DHCR24: variants seen among roughly 807,000 people sequenced by gnomAD.
DHCR24 encodes the protein delta(24)-sterol reductase.
In DHCR24, 28 loss-of-function variants were observed where a neutral mutation model predicts 61.2. That is an observed-to-expected ratio of 0.46 (90% CI 0.34 to 0.63). The LOEUF is 0.63. Among genes scored for constraint, DHCR24 ranks in the 20% least tolerant of loss-of-function variants. The pLI is 0.01. For synonymous variants in DHCR24, 261 were observed against 275.9 expected (o/e 0.95, Z 0.54); for missense variants, 538 against 679.1 (o/e 0.79, Z 2.31).
intron 5 of DHCR24, among the ~76,000 whole-genome samples, chr1:54,866,146 T>C (rs1437630231): frequency 6.6e-6 from 1 of 152,100 alleles, no homozygotes; most frequent in Non-Finnish European, 1.5e-5. Context: ...ATAAATGAAT[T>C]CTGGCAGATG....
intron 2 of DHCR24, 85 bp from the exon 3 acceptor site, chr1:54,876,132 A>C: frequency 4.8e-5 from 46 of 958,802 alleles, no homozygotes; most frequent in Non-Finnish European, 7.6e-5. Flanking sequence ...GTGTCATCTC[A>C]AACCTTCCCA....
intron 4 of DHCR24, among the ~76,000 whole-genome samples, chr1:54,872,800 G>A (rs187707824): frequency 7.5e-4 from 114 of 152,286 alleles, no homozygotes; most frequent in African/African-American, 2.6e-3. Flanking sequence ...ACAGGGCCCC[G>A]CAAGCGTTCA....
Position 54,883,495 on chromosome 1 carries a change from G to C in DHCR24, c.387+123C>G. The stretch of plus-strand genomic sequence containing the variant: ...AGCAATGGCAGGGAGTATCTTCTAT[G>C]ACTGTGGGCATTGGTCCTGTCCACT... On this transcript the variant is annotated intron_variant, in intron 2 of 8. Coordinates refer to ENST00000371269, the MANE Select transcript of DHCR24 (RefSeq NM_014762.4). This position sits in a 1 kb window ranked among gnomAD's most constrained non-coding sequence, Gnocchi z 4.3. The C allele has an allele frequency of 2.5e-6, 3 of 1,200,756 alleles. No homozygotes were observed. The highest frequency in any genetic ancestry group is 3.7e-6 in the Non-Finnish European group (3 of 809,740). The allele number at this position is 1,200,756 out of a possible 1,614,324, so 74.4% of individuals were successfully genotyped here.
chr1:54,859,668 T>C (rs1463313964), intron 6 of DHCR24, among the ~76,000 whole-genome samples: 1 of 152,206 alleles, frequency 6.6e-6, no homozygotes, highest in East Asian at 1.9e-4. Context: ...TTTTGCCATG[T>C]TGACCAAGCT....
chr1:54,854,327 G>T, intron 6 of DHCR24, 93 bp from the exon 7 acceptor site: 1 of 1,148,194 alleles, frequency 8.7e-7, no homozygotes, highest in Non-Finnish European at 1.3e-6. Context: ...CCCATTCTGT[G>T]CTTGACAGAA....
In DHCR24 at chr1:54,883,564, C is replaced by T; in HGVS notation, c.387+54G>A. On this transcript the variant is annotated intron_variant, in intron 2 of 8. Transcript: ENST00000371269. This position sits in a 1 kb window ranked among gnomAD's most constrained non-coding sequence, Gnocchi z 4.3. Reference sequence around the variant, plus strand: ...AAATCATCTCCCTATGAGTCACTTGCACCAGGGGCAGTGCCCCACCTGCTC... The same window carrying T: ...AAATCATCTCCCTATGAGTCACTTGTACCAGGGGCAGTGCCCCACCTGCTC... 11 of 1,610,102 alleles carry T rather than the reference C, an allele frequency of 6.8e-6. No homozygotes were observed. The highest frequency in any genetic ancestry group is 9.3e-6 in the Non-Finnish European group (11 of 1,176,678).
intron 6 of DHCR24, among the ~76,000 whole-genome samples, chr1:54,856,000 C>T (rs976292662): frequency 3.3e-5 from 5 of 151,914 alleles, no homozygotes; most frequent in African/African-American, 7.3e-5. Flanking sequence ...CTTTGGGGGA[C>T]ATCTGATACG....
intron 2 of DHCR24, among the ~76,000 whole-genome samples, chr1:54,876,749 T>C (rs1339528016): frequency 6.6e-6 from 1 of 151,792 alleles, no homozygotes; most frequent in Non-Finnish European, 1.5e-5. Flanking sequence ...TCCCCACACA[T>C]ACTGTATTGG....
intron 6 of DHCR24, among the ~76,000 whole-genome samples, chr1:54,859,927 G>A (rs1342995630): frequency 6.6e-6 from 1 of 152,194 alleles, no homozygotes. Flanking sequence ...GCTCTTGGCA[G>A]GGATCAAGAA....
rs865995651 is a variant in DHCR24, at chr1:54,856,255, C to G, written c.1021-2021G>C. ...GGCAGAGGAGCAGTTACTAGAGAGGCCTTATGGTCCGAAAAACCTAGACTG... is the reference window on the plus strand; with the variant it reads ...GGCAGAGGAGCAGTTACTAGAGAGGGCTTATGGTCCGAAAAACCTAGACTG... On this transcript the variant is annotated intron_variant, in intron 6 of 8. Transcript: ENST00000371269. Among the ~76,000 whole-genome samples the G allele has an allele frequency of 9.2e-5, 14 of 152,266 alleles. No homozygotes were observed. In the Middle Eastern group the frequency reaches 0.01, roughly 111 times the overall value.
At chr1:54,878,600 A>G (rs1647047959) in intron 2 of DHCR24, among the ~76,000 whole-genome samples, 1 of 151,296 alleles carries the variant, frequency 6.6e-6, no homozygotes, top group African/African-American at 2.4e-5. Context: ...GTCTGTTCCC[A>G]CAAGCCAGAC....
intron 8 of DHCR24, among the ~76,000 whole-genome samples, chr1:54,852,992 T>G (rs568223523): frequency 3.9e-5 from 6 of 152,298 alleles, no homozygotes; most frequent in Non-Finnish European, 7.4e-5. Context: ...CACTCAATAG[T>G]TTATCCAGGC....
intron 2 of DHCR24, among the ~76,000 whole-genome samples, chr1:54,876,625 G>A (rs1284944167): frequency 2.0e-5 from 3 of 151,798 alleles, no homozygotes; most frequent in African/African-American, 7.3e-5. Context: ...CTGCACTCCA[G>A]CCTAGGCAAC....
In DHCR24 at chr1:54,883,766, T is replaced by A. The variant is rs1420162831; in HGVS notation, c.239A>T (p.Glu80Val). Residue 80 changes from glutamate to valine, a missense_variant, in exon 2 of 9, where the codon GAA (glutamate) becomes GTA (valine). Glu to Val is a moderately radical substitution (Grantham distance 121). Transcript: ENST00000371269. This position sits in a 1 kb window ranked among gnomAD's most constrained non-coding sequence, Gnocchi z 4.3. ...RVRDIQKQVR[E>V]WKEQGSKTFM... Reference sequence around the variant, plus strand: ...GGTCTTGCTACCCTGCTCCTTCCATTCCCGCACCTGCAACCACAGGACAGA... The same window carrying A: ...GGTCTTGCTACCCTGCTCCTTCCATACCCGCACCTGCAACCACAGGACAGA... 4 of 1,614,176 alleles carry A rather than the reference T, an allele frequency of 2.5e-6. No homozygotes were observed. The East Asian group carries it at 6.7e-5, about 27-fold the overall frequency.
intron 8 of DHCR24, 70 bp downstream of exon 8, chr1:54,853,364 C>G: frequency 6.3e-7 from 1 of 1,594,034 alleles, no homozygotes; most frequent in African/African-American, 1.3e-5. Context: ...ATAGAGCTGG[C>G]CTCATTCCCC....
intron 6 of DHCR24, among the ~76,000 whole-genome samples, chr1:54,854,769 C>G (rs552979692): frequency 1.3e-5 from 2 of 152,292 alleles, no homozygotes; most frequent in African/African-American, 4.8e-5. Context: ...AAGGAGCCCA[C>G]TGGTTTGCAG....
In DHCR24 at chr1:54,887,054, C is replaced by G. The variant is rs956261005; in HGVS notation, c.66G>C (p.Gly22=). ...GCTGGTGGATGAGCACGAACTCCAG[C>G]CCCTTCAGGCGCACCCACAGCAGGA... ...LLFLLWVRLK[G]LEFVLIHQRW... The change falls in exon 1 of 9, where the codon GGG becomes GGC. Residue 22 remains glycine (G), a synonymous_variant. Transcript: ENST00000371269. 1 of 1,611,916 alleles carries G rather than the reference C, an allele frequency of 6.2e-7. No individual in the cohort carries two copies. The highest frequency in any genetic ancestry group is 8.5e-7 in the Non-Finnish European group (1 of 1,179,190).
Position 54,871,542 on chromosome 1 carries a change from C to T in DHCR24, c.684G>A (p.Glu228=). Residue 228 remains glutamate (E), a synonymous_variant, in exon 5 of 9, where the codon GAG becomes GAA. Coordinates refer to ENST00000371269, the MANE Select transcript of DHCR24 (RefSeq NM_014762.4). ...CGTLGFLVAA[E]IRIIPAKKYV... The stretch of plus-strand genomic sequence containing the variant: ...ACTTCTTGGCAGGGATGATGCGGAT[C>T]TCAGCGGCCACCAGGAAACCCAGCG... The T allele has an allele frequency of 6.2e-7, 1 of 1,614,194 alleles. No individual in the cohort carries two copies. Among genetic ancestry groups the T allele is most frequent in the Non-Finnish European group, 8.5e-7 (1 of 1,180,044 alleles).
Position 54,884,082 on chromosome 1 carries a change from A to T in DHCR24, c.232-309T>A, listed in dbSNP as rs74072044. ...AGGTTTTGTAATGGTGATAATAGCA[A>T]GTATAAAAATGAGGACCATTTACTG... On this transcript the variant is annotated intron_variant, in intron 1 of 8. Coordinates refer to ENST00000371269, the MANE Select transcript of DHCR24 (RefSeq NM_014762.4). Among the ~76,000 whole-genome samples, 296 of 152,386 alleles carry T rather than the reference A, an allele frequency of 1.9e-3. 1 individual carries two copies. The highest frequency in any genetic ancestry group is 6.9e-3 in the African/African-American group (285 of 41,596).
Sources: allele counts gnomAD v4.1 joint callset (sites outside exome capture counted in the v4.1 genomes callset), GRCh38; gene constraint gnomAD v4.1.1; non-coding constraint Gnocchi (gnomAD v3.1); transcripts MANE v1.5; gene names NCBI Gene and HGNC (gene_info 2026-07-23, HGNC 2026-07-21).